SPAG9: variants seen among roughly 807,000 people sequenced by gnomAD.
The protein encoded by SPAG9 is sperm associated antigen 9.
Under a neutral mutation model 166.5 loss-of-function variants are expected in SPAG9, and 35 were observed. The observed-to-expected ratio is 0.21, with a 90% confidence interval of 0.16 to 0.28. SPAG9 has a LOEUF of 0.28. SPAG9 is among the 10% of genes least tolerant of loss of function. The probability of loss-of-function intolerance (pLI) is 1.00; values close to 1 mark genes in which losing one functional copy is unlikely to be tolerated. For missense variants in SPAG9, 1,235 were observed against 1,603.3 expected, an observed-to-expected ratio of 0.77 and a Z score of 3.92; for synonymous variants, 534 against 565.5, an observed-to-expected ratio of 0.94 and a Z score of 0.79.
chr17:50,982,353 G>T (rs1974726244), intron 25 of SPAG9, among the ~76,000 whole-genome samples, 171 bp downstream of exon 25: 2 of 152,150 alleles, frequency 1.3e-5, no homozygotes, highest in African/African-American at 4.8e-5. Context: ...GTCAAAACTG[G>T]CAAGAGAGTT....
At chr17:51,089,618 TTTTATATA>T (rs1197315600) in intron 1 of SPAG9, among the ~76,000 whole-genome samples, 2 of 71,284 alleles carry the variant, frequency 2.8e-5, no homozygotes, top group African/African-American at 1.5e-4. Flanking sequence ...ATACACTTTA[TTTTATATA>T]TATATATATA....
chr17:51,085,365 A>G (rs1366362464), intron 1 of SPAG9: 3 of 152,232 alleles, frequency 2.0e-5, no homozygotes, highest in African/African-American at 7.2e-5. Context: ...TCAGCTTCAG[A>G]AGATGGATAC....
chr17:51,094,436 T>C (rs2048556596), intron 1 of SPAG9, among the ~76,000 whole-genome samples: 1 of 152,134 alleles, frequency 6.6e-6, no homozygotes, highest in Non-Finnish European at 1.5e-5. Context: ...ACCAGAATAG[T>C]ATGCTATTTT....
chr17:51,055,680 T>A (rs1365672734), intron 3 of SPAG9, among the ~76,000 whole-genome samples: 1 of 151,976 alleles, frequency 6.6e-6, no homozygotes, highest in African/African-American at 2.4e-5. Flanking sequence ...GAGAGAGGAA[T>A]TATTTTTTTC....
intron 2 of SPAG9, among the ~76,000 whole-genome samples, chr17:51,073,065 C>A (rs551888113): frequency 6.6e-6 from 1 of 152,250 alleles, no homozygotes; most frequent in East Asian, 1.9e-4. Flanking sequence ...GTGGCTCATG[C>A]CTGTAATCCC....
chr17:51,072,326 C>T (rs2047843677), intron 2 of SPAG9, among the ~76,000 whole-genome samples: 1 of 149,478 alleles, frequency 6.7e-6, no homozygotes, highest in African/African-American at 2.5e-5. Flanking sequence ...CCTGCCTCGG[C>T]CTCCCAAAGT....
chr17:51,106,393 A>G (rs2048951715), intron 1 of SPAG9, among the ~76,000 whole-genome samples: 1 of 152,142 alleles, frequency 6.6e-6, no homozygotes, highest in Admixed American at 6.6e-5. Flanking sequence ...ATCTATCACA[A>G]TCTGTAATTA....
intron 15 of SPAG9, among the ~76,000 whole-genome samples, chr17:50,997,516 T>C (rs1390071531): frequency 6.6e-6 from 1 of 152,204 alleles, no homozygotes; most frequent in African/African-American, 2.4e-5. Flanking sequence ...TTGGTAAACT[T>C]TGGAGTTATA....
intron 2 of SPAG9, among the ~76,000 whole-genome samples, chr17:51,061,594 G>C (rs925404822): frequency 9.0e-6 from 1 of 110,712 alleles, no homozygotes; most frequent in Non-Finnish European, 1.7e-5. Context: ...TGGGCAACAA[G>C]AGCGAAAGCT....
At chr17:51,084,689 G>A (rs1211912453) in intron 1 of SPAG9, among the ~76,000 whole-genome samples, 1 of 152,132 alleles carries the variant, frequency 6.6e-6, no homozygotes, top group Non-Finnish European at 1.5e-5. Flanking sequence ...GATTACAGGT[G>A]TGAGTCACTG....
At chr17:50,976,667 T>C (rs1288063726) in intron 27 of SPAG9, 3 of 153,194 alleles carry the variant, frequency 2.0e-5, no homozygotes, top group African/African-American at 7.2e-5. Flanking sequence ...AAATAGAAGA[T>C]AGATGGAAAG....
At chr17:51,080,602 G>C (rs1438243329) in intron 1 of SPAG9, among the ~76,000 whole-genome samples, 3 of 152,212 alleles carry the variant, frequency 2.0e-5, no homozygotes, top group Admixed American at 6.5e-5. Context: ...GCATCTTAAG[G>C]CTGGGTGTGG....
chr17:51,089,663 T>TACACAC (rs71149342), intron 1 of SPAG9, among the ~76,000 whole-genome samples: 10 of 78,308 alleles, frequency 1.3e-4, no homozygotes, highest in African/African-American at 4.4e-4. Flanking sequence ...TATATATATA[T>TACACAC]ACACATACAC....
intron 18 of SPAG9, among the ~76,000 whole-genome samples, chr17:50,994,234 G>A (rs551620148): frequency 6.6e-6 from 1 of 152,050 alleles, no homozygotes; most frequent in Non-Finnish European, 1.5e-5. Flanking sequence ...GAGATCTGAT[G>A]GGTTTATTAG....
At chr17:51,022,834 C>T (rs999064004) in intron 6 of SPAG9, among the ~76,000 whole-genome samples, 5 of 151,010 alleles carry the variant, frequency 3.3e-5, no homozygotes, top group Non-Finnish European at 7.4e-5. Flanking sequence ...CCTGCAATTC[C>T]AGCTACTCGG....
intron 20 of SPAG9, 45 bp from the exon 21 acceptor site, chr17:50,989,917 T>C (rs1975390953): frequency 6.6e-7 from 1 of 1,518,054 alleles, no homozygotes; most frequent in Non-Finnish European, 9.1e-7. Context: ...GCTTTTCTCC[T>C]CCAATTATTT....
chr17:51,005,317 C>CAA, intron 11 of SPAG9, 54 bp from the exon 12 acceptor site: 1 of 1,544,900 alleles, frequency 6.5e-7, no homozygotes, highest in African/African-American at 1.4e-5. Context: ...CTCATCTTTT[C>CAA]AAAAAAATAA....
intron 1 of SPAG9, among the ~76,000 whole-genome samples, chr17:51,085,760 T>G (rs905107156): frequency 3.9e-5 from 6 of 152,192 alleles, no homozygotes; most frequent in Non-Finnish European, 8.8e-5. Flanking sequence ...GATCTTAAAC[T>G]TCTTGGAATC....
At chr17:50,997,050 G>A (rs1213539237) in intron 15 of SPAG9, among the ~76,000 whole-genome samples, 1 of 152,220 alleles carries the variant, frequency 6.6e-6, no homozygotes, top group Non-Finnish European at 1.5e-5. Context: ...TGAGGCAGGA[G>A]AATCATTTGA....
Sources: allele counts gnomAD v4.1 joint callset (sites outside exome capture counted in the v4.1 genomes callset), GRCh38; gene constraint gnomAD v4.1.1; transcripts MANE v1.5; gene names NCBI Gene and HGNC (gene_info 2026-07-23, HGNC 2026-07-21).